Variants in PRKN observed in about 807,000 individuals in gnomAD.
PRKN encodes parkin RBR E3 ubiquitin protein ligase.
Under a neutral mutation model 59.5 loss-of-function variants are expected in PRKN, and 56 were observed. The observed-to-expected ratio is 0.94, with a 90% CI of 0.76 to 1.18. The LOEUF is 1.18. Among genes scored for constraint, PRKN ranks in the 50% most tolerant of loss-of-function variants. PRKN has a pLI of 0.00. For missense variants in PRKN, 657 were observed against 596.4 expected (o/e 1.10, Z -1.06); for synonymous variants, 250 against 222.1 (o/e 1.13, Z -1.12).
At chr6:162,178,077 G>C (rs1248862527) in intron 4 of PRKN, among the ~76,000 whole-genome samples, 1 of 152,182 alleles carries the variant, frequency 6.6e-6, no homozygotes, top group Non-Finnish European at 1.5e-5. Context: ...CTCTAACACT[G>C]ACAGGCTCTG....
intron 5 of PRKN, among the ~76,000 whole-genome samples, chr6:162,048,401 C>A (rs1777475642): frequency 6.6e-6 from 1 of 151,584 alleles, no homozygotes; most frequent in African/African-American, 2.4e-5. Flanking sequence ...GGCTAAGGGG[C>A]ACCTCATTAC....
At chr6:162,717,992 T>A (rs1778792812) in intron 1 of PRKN, among the ~76,000 whole-genome samples, 1 of 152,158 alleles carries the variant, frequency 6.6e-6, no homozygotes, top group African/African-American at 2.4e-5. Context: ...AAAGAAAACA[T>A]CCCACAACCC....
At chr6:161,942,403 T>A (rs529386580) in intron 6 of PRKN, among the ~76,000 whole-genome samples, 6 of 152,194 alleles carry the variant, frequency 3.9e-5, no homozygotes, top group African/African-American at 1.4e-4. Context: ...TGGTGGTGGA[T>A]GCCTGTAATT....
Position 161,502,253 on chromosome 6 carries a change from T to C in PRKN, c.1083+46601A>G, listed in dbSNP as rs538522893. ...TTGGGAGAGGCACTACTCCTATCCC[T>C]ATGTTATAGCTGAGGACGCTGAGAC... On this transcript the variant is annotated intron_variant, in intron 9 of 11. Transcript: ENST00000366898. This position sits in a 1 kb window ranked among gnomAD's most constrained non-coding sequence, Gnocchi z 4.0. Among the ~76,000 whole-genome samples the C allele has an allele frequency of 9.2e-5, 14 of 152,320 alleles. No individual in the cohort carries two copies. Among genetic ancestry groups the C allele is most frequent in the African/African-American group, 3.4e-4 (14 of 41,580 alleles).
intron 3 of PRKN, among the ~76,000 whole-genome samples, chr6:162,257,347 C>T (rs2128098463): frequency 6.6e-6 from 1 of 152,032 alleles, no homozygotes; most frequent in East Asian, 1.9e-4. Context: ...AGTAGTATAC[C>T]TTGTGATATA....
chr6:161,699,360 T>C (rs1407430151), intron 7 of PRKN, among the ~76,000 whole-genome samples: 1 of 152,136 alleles, frequency 6.6e-6, no homozygotes, highest in African/African-American at 2.4e-5. Context: ...CCAATAGAAA[T>C]TAAACCATAT....
At chr6:161,364,758 C>T (rs775763070) in intron 10 of PRKN, among the ~76,000 whole-genome samples, 27 of 151,952 alleles carry the variant, frequency 1.8e-4, no homozygotes, top group Non-Finnish European at 3.4e-4. Context: ...ATCAGCCTGG[C>T]CAACACAGCG....
At chr6:162,495,520 C>T (rs1201306412) in intron 1 of PRKN, among the ~76,000 whole-genome samples, 6 of 152,142 alleles carry the variant, frequency 3.9e-5, no homozygotes, top group South Asian at 2.1e-4. Context: ...TCCAAGCTGA[C>T]ACCCACAGCC....
chr6:161,858,888 G>A (rs1481437684), intron 6 of PRKN, among the ~76,000 whole-genome samples: 2 of 46,930 alleles, frequency 4.3e-5, no homozygotes, highest in Non-Finnish European at 1.0e-4. Flanking sequence ...TGAGACAGAG[G>A]CTCGCTCTTG....
chr6:161,364,907 G>C (rs565072489), intron 10 of PRKN, among the ~76,000 whole-genome samples: 1 of 150,826 alleles, frequency 6.6e-6, no homozygotes, highest in Admixed American at 6.6e-5. Flanking sequence ...CTCCAGCCTG[G>C]GCAACGGAGT....
chr6:162,676,028 G>C (rs1309119621), intron 1 of PRKN, among the ~76,000 whole-genome samples: 1 of 152,150 alleles, frequency 6.6e-6, no homozygotes, highest in Non-Finnish European at 1.5e-5. Context: ...ATCTTTTAGA[G>C]AAGCAACATG....
intron 3 of PRKN, among the ~76,000 whole-genome samples, chr6:162,232,192 G>A (rs1443856646): frequency 6.6e-6 from 1 of 152,160 alleles, no homozygotes; most frequent in Non-Finnish European, 1.5e-5. Context: ...TGGCTAGCCT[G>A]ACAATTTCTG....
At chr6:161,765,099 A>T (rs1562666282) in intron 7 of PRKN, among the ~76,000 whole-genome samples, 1 of 152,208 alleles carries the variant, frequency 6.6e-6, no homozygotes, top group Non-Finnish European at 1.5e-5. Flanking sequence ...TTTCAGTCTC[A>T]CTGGTAAACA....
intron 7 of PRKN, among the ~76,000 whole-genome samples, chr6:161,653,215 A>T (rs1784213769): frequency 6.6e-6 from 1 of 151,962 alleles, no homozygotes; most frequent in Non-Finnish European, 1.5e-5. Flanking sequence ...ACAAAAAAAA[A>T]TAGCTGGGCG....
chr6:162,181,783 A>C (rs34872012), intron 4 of PRKN, among the ~76,000 whole-genome samples: 11,379 of 152,210 alleles, frequency 0.075, 614 homozygotes, highest in Non-Finnish European at 0.12. Context: ...GCTTCCAACT[A>C]TCCCTGCCCA....
At chr6:161,699,528 CATGGATAACCTTA>C (rs774367988) in intron 7 of PRKN, among the ~76,000 whole-genome samples, 5 of 152,132 alleles carry the variant, frequency 3.3e-5, no homozygotes, top group Non-Finnish European at 7.4e-5. Flanking sequence ...TAAGTTACAA[CATGGATAACCTTA>C]ATATAATCTA....
chr6:161,434,089 T>C (rs1788773104), intron 9 of PRKN, among the ~76,000 whole-genome samples: 1 of 152,140 alleles, frequency 6.6e-6, no homozygotes, highest in Non-Finnish European at 1.5e-5. Context: ...GGGTAAAATT[T>C]TATGATGGAC....
At chr6:162,192,593 C>T (rs1164086587) in intron 4 of PRKN, among the ~76,000 whole-genome samples, 3 of 151,298 alleles carry the variant, frequency 2.0e-5, no homozygotes, top group African/African-American at 7.3e-5. Context: ...GTTGGGCCTA[C>T]AGGCACATGC....
intron 1 of PRKN, among the ~76,000 whole-genome samples, chr6:162,576,790 G>T (rs1185458614): frequency 2.1e-5 from 3 of 142,066 alleles, no homozygotes; most frequent in Non-Finnish European, 4.5e-5. Context: ...TCCAGCATGG[G>T]TGACAGAGTG....
Sources: gnomAD v4.1 joint callset for allele counts (sites outside exome capture counted in the v4.1 genomes callset) on GRCh38, gnomAD v4.1.1 for gene constraint, Gnocchi (gnomAD v3.1) non-coding constraint, MANE v1.5 for transcripts, NCBI Gene and HGNC (gene_info 2026-07-23, HGNC 2026-07-21) for gene names.